Variants in CMTM4 observed in about 807,000 individuals in gnomAD.
CMTM4 encodes the protein CKLF-like MARVEL transmembrane domain-containing protein 4.
Under a neutral mutation model 19.0 loss-of-function variants are expected in CMTM4, and 8 were observed. The observed-to-expected ratio is 0.42, with a 90% CI of 0.25 to 0.76. CMTM4 has a LOEUF of 0.76. CMTM4 is among the 30% of genes least tolerant of loss of function. The probability of loss-of-function intolerance (pLI) is 0.27; values close to 1 mark genes in which losing one functional copy is unlikely to be tolerated. For synonymous variants in CMTM4, 106 were observed against 121.1 expected, an observed-to-expected ratio of 0.88 and a Z score of 0.82; for missense variants, 228 against 290.2, an observed-to-expected ratio of 0.79 and a Z score of 1.56.
Position 66,622,217 on chromosome 16 carries a change from A to C in CMTM4, c.468T>G (p.Phe156Leu), listed in dbSNP as rs1167049575. 1 of 1,613,624 alleles carries C rather than the reference A, an allele frequency of 6.2e-7. No homozygotes were observed. Among genetic ancestry groups the C allele is most frequent in the South Asian group, 1.1e-5 (1 of 90,880 alleles). ...CATATGCCGCAGTCGCCAAGAAGCCAAATATCTAAAAACACACCAGCACAG... is the reference window on the plus strand; with the variant it reads ...CATATGCCGCAGTCGCCAAGAAGCCCAATATCTAAAAACACACCAGCACAG... ...RAGAEIAAVI[F>L]GFLATAAYAV... The change falls in exon 4 of 4, where the codon TTT (phenylalanine) becomes TTG (leucine). Residue 156 changes from phenylalanine to leucine, a missense_variant. Around this residue, in one of 3 missense-constraint regions of CMTM4, gnomAD observed 200 missense variants for 226.6 expected, o/e 0.88. Coordinates refer to ENST00000394106, the MANE Select transcript of CMTM4 (RefSeq NM_181521.3). The surrounding 1 kb of genome is among the most constrained non-coding windows in gnomAD (Gnocchi z 4.0).
intron 1 of CMTM4, among the ~76,000 whole-genome samples, chr16:66,674,328 C>T (rs1296512682): frequency 6.6e-6 from 1 of 152,146 alleles, no homozygotes; most frequent in Non-Finnish European, 1.5e-5. Context: ...CTGCAGGAAA[C>T]CCAAAGGAAC....
At chr16:66,607,214 G>A in the CMTM4 span, among the ~76,000 whole-genome samples, 27 of 152,324 alleles carry the variant, frequency 1.8e-4, no homozygotes, top group African/African-American at 6.0e-4. Flanking sequence ...GCTCTGCAGC[G>A]TACCTGGGCT....
At chr16:66,605,309 GGCC>G in the CMTM4 span, 1 of 185,346 alleles carries the variant, frequency 5.4e-6, no homozygotes, top group Admixed American at 6.2e-5. This position sits in a 1 kb window ranked among gnomAD's most constrained non-coding sequence, Gnocchi z 4.6. Context: ...GGGACTCCCG[GGCC>G]GCAGCGGGGT....
At chr16:66,628,607 G>C (rs1417348959) in intron 2 of CMTM4, among the ~76,000 whole-genome samples, 2 of 152,138 alleles carry the variant, frequency 1.3e-5, no homozygotes, top group Non-Finnish European at 2.9e-5. Flanking sequence ...AAAGTGGCTG[G>C]GGCAAAGTTA....
chr16:66,666,460 AT>A (rs1170900204), intron 1 of CMTM4, among the ~76,000 whole-genome samples: 1 of 152,196 alleles, frequency 6.6e-6, no homozygotes, highest in Non-Finnish European at 1.5e-5. Flanking sequence ...CTCAAAAAAA[AT>A]AAAATAAAAT....
chr16:66,609,241 G>A, the CMTM4 span: 1 of 598,978 alleles, frequency 1.7e-6, no homozygotes, highest in Non-Finnish European at 3.0e-6. The surrounding 1 kb of genome is among the most constrained non-coding windows in gnomAD (Gnocchi z 4.4). Context: ...GGATAGGGCA[G>A]TGTCAGCTGC....
chr16:66,692,563 T>A (rs79953441), intron 1 of CMTM4, among the ~76,000 whole-genome samples: 1 of 152,178 alleles, frequency 6.6e-6, no homozygotes, highest in Non-Finnish European at 1.5e-5. Flanking sequence ...AAGGCCAAAC[T>A]TGGAATAGCA....
At chr16:66,633,106 T>TATATATATAA (rs1555499096) in intron 2 of CMTM4, among the ~76,000 whole-genome samples, 3 of 129,674 alleles carry the variant, frequency 2.3e-5, no homozygotes, top group Admixed American at 7.7e-5. Flanking sequence ...TATATAAATA[T>TATATATATAA]ATATATATAT....
At chr16:66,635,172 T>A (rs1164967883) in intron 2 of CMTM4, among the ~76,000 whole-genome samples, 1 of 152,224 alleles carries the variant, frequency 6.6e-6, no homozygotes, top group Non-Finnish European at 1.5e-5. Flanking sequence ...ATGGATAACA[T>A]AAACCTCATT....
chr16:66,648,262 T>C (rs898952225), intron 1 of CMTM4, among the ~76,000 whole-genome samples: 2 of 152,154 alleles, frequency 1.3e-5, no homozygotes, highest in African/African-American at 4.8e-5. Context: ...CTAGAAAGAG[T>C]AAGCAGAAAA....
intron 1 of CMTM4, among the ~76,000 whole-genome samples, chr16:66,660,872 C>G (rs948964300): frequency 1.3e-5 from 2 of 152,274 alleles, no homozygotes; most frequent in Non-Finnish European, 2.9e-5. Flanking sequence ...CTCTCCTGCT[C>G]GCTGTGCTAA....
intron 1 of CMTM4, 43 bp from the exon 2 acceptor site, chr16:66,636,624 T>C (rs2015996717): frequency 1.3e-6 from 2 of 1,525,264 alleles, no homozygotes; most frequent in African/African-American, 1.4e-5. Flanking sequence ...ATATGTTTAG[T>C]ATACATCTGC....
Position 66,620,448 on chromosome 16 carries a change from C to T in CMTM4, c.*1610G>A. 1.0e-6 allele frequency: 1 copy of T among 985,448 alleles called. No individual in the cohort carries two copies. Among genetic ancestry groups the T allele is most frequent in the Non-Finnish European group, 1.2e-6 (1 of 829,968 alleles). 61.0% of individuals were successfully genotyped at this position (985,448 alleles called of 1,614,324 possible). On this transcript the variant is annotated 3_prime_UTR_variant, in exon 4 of 4. Transcript: ENST00000394106. ...TCAGATCGTACTGAAGGTGTTGGTG[C>T]AGGAAGCTAACCCCAACTCCGACCC...
At chr16:66,611,792 G>A (rs1416840947), downstream of CMTM4, among the ~76,000 whole-genome samples, 1 of 152,132 alleles carries the variant, frequency 6.6e-6, no homozygotes, top group Non-Finnish European at 1.5e-5. Flanking sequence ...CTCATAGGCA[G>A]GCCCTTACCA....
rs2015565154 is a variant in CMTM4, at chr16:66,618,376, A to G, written c.*3682T>C. 2.5e-5 allele frequency: 25 copies of G among 985,462 alleles called. No individual in the cohort carries two copies. The highest frequency in any genetic ancestry group is 3.0e-5 in the Non-Finnish European group (25 of 829,938). 61.0% of individuals were successfully genotyped at this position (985,462 alleles called of 1,614,324 possible). A position where few individuals can be genotyped will look rare whatever the true frequency, so the allele number is the denominator to read the frequency against. ...TTTGAACACAGATGAGACAATAGGA[A>G]CCCTTAAATCATCACTGCCTTGCAG... On this transcript the variant is annotated 3_prime_UTR_variant, in exon 4 of 4. Transcript: ENST00000394106.
intron 1 of CMTM4, among the ~76,000 whole-genome samples, chr16:66,693,904 C>T (rs2017181911): frequency 2.0e-5 from 3 of 152,074 alleles, no homozygotes; most frequent in African/African-American, 7.3e-5. Flanking sequence ...CGTCTGTGGT[C>T]CCAGCTACTT....
chr16:66,609,902 C>A (rs775128868), downstream of CMTM4: 2 of 1,614,184 alleles, frequency 1.2e-6, no homozygotes, highest in South Asian at 2.2e-5. The surrounding 1 kb of genome is among the most constrained non-coding windows in gnomAD (Gnocchi z 4.4). Context: ...TTCTTTGCTA[C>A]CATCGTGTTT....
At chr16:66,695,617 A>G (rs2017219288) in intron 1 of CMTM4, among the ~76,000 whole-genome samples, 1 of 152,196 alleles carries the variant, frequency 6.6e-6, no homozygotes, top group East Asian at 1.9e-4. Context: ...GAGCTCTACT[A>G]CAGACAAGTC....
At chr16:66,613,149 G>A (rs879838456), downstream of CMTM4, 25 of 702,818 alleles carry the variant, frequency 3.6e-5, no homozygotes, top group Non-Finnish European at 6.0e-5. Flanking sequence ...TTGGTTCAAG[G>A]AGCACCAGTT....
Sources: allele counts gnomAD v4.1 joint callset (sites outside exome capture counted in the v4.1 genomes callset), GRCh38; gene constraint gnomAD v4.1.1; regional missense constraint gnomAD v4.1.1; non-coding constraint Gnocchi (gnomAD v3.1); transcripts MANE v1.5; gene names NCBI Gene and HGNC (gene_info 2026-07-23, HGNC 2026-07-21).